The following TACC2 variants were observed in gnomAD, a reference collection of about 807,000 sequenced individuals.
TACC2 encodes the protein transforming acidic coiled-coil-containing protein 2.
Under a neutral mutation model 227.3 loss-of-function variants are expected in TACC2, and 137 were observed. The observed-to-expected ratio is 0.60, with a 90% CI of 0.52 to 0.69. The LOEUF is 0.69. Among genes scored for constraint, TACC2 ranks in the 30% least tolerant of loss-of-function variants. The pLI is 0.00. For synonymous variants in TACC2, 1,523 were observed against 1,487.5 expected (o/e 1.02, Z -0.55); for missense variants, 3,470 against 3,694.4 (o/e 0.94, Z 1.57).
chr10:122,170,029 G>A (rs981277959), intron 7 of TACC2, among the ~76,000 whole-genome samples: 1 of 152,172 alleles, frequency 6.6e-6, no homozygotes, highest in South Asian at 2.1e-4. Context: ...AGGATTACAG[G>A]CATGAGCCTC....
At chr10:122,088,708 A>G in intron 5 of TACC2, 117 bp downstream of exon 5, 2 of 1,546,150 alleles carry the variant, frequency 1.3e-6, no homozygotes, top group Non-Finnish European at 1.7e-6. Flanking sequence ...CATAAGAAAG[A>G]AGCAAATGGC....
intron 7 of TACC2, among the ~76,000 whole-genome samples, chr10:122,161,919 G>C (rs1014270326): frequency 1.3e-5 from 2 of 152,212 alleles, no homozygotes. Context: ...TCTGTTTTCT[G>C]ACAGAGAAAC....
At chr10:122,176,113 C>CTGTATA (rs1159813137) in intron 7 of TACC2, among the ~76,000 whole-genome samples, 22 of 54,822 alleles carry the variant, frequency 4.0e-4, no homozygotes, top group Non-Finnish European at 6.4e-4. Flanking sequence ...CTCTCTCTCT[C>CTGTATA]TCTCTATATA....
chr10:122,111,447 G>A (rs1216792545), intron 5 of TACC2, among the ~76,000 whole-genome samples: 7 of 150,188 alleles, frequency 4.7e-5, no homozygotes, highest in Non-Finnish European at 8.9e-5. Context: ...GGTGGTGAGT[G>A]GTGTATGTTT....
At chr10:122,098,375 C>T (rs916348073) in intron 5 of TACC2, among the ~76,000 whole-genome samples, 18 of 152,146 alleles carry the variant, frequency 1.2e-4, no homozygotes, top group African/African-American at 2.2e-4. Flanking sequence ...GCACCTTAGG[C>T]GCTGCATACG....
chr10:122,120,454 C>T (rs1023092288), intron 5 of TACC2, among the ~76,000 whole-genome samples: 1 of 152,162 alleles, frequency 6.6e-6, no homozygotes, highest in African/African-American at 2.4e-5. Context: ...GTGGTTAGAG[C>T]CACCGCGGGT....
intron 3 of TACC2, among the ~76,000 whole-genome samples, chr10:122,070,635 C>G (rs1394885664): frequency 6.6e-6 from 1 of 151,976 alleles, no homozygotes; most frequent in Non-Finnish European, 1.5e-5. Flanking sequence ...TGCCTGTAAT[C>G]CCAGCTACTT....
chr10:122,083,539 C>T lies in TACC2; in HGVS notation c.1039C>T (p.Pro347Ser), dbSNP rs552803087. ...AGCATATCTGCCGCACGCAGAGCTGCCCTGGGGCTTGCCAAGTCCTGCCCT... is the reference window on the plus strand; with the variant it reads ...AGCATATCTGCCGCACGCAGAGCTGTCCTGGGGCTTGCCAAGTCCTGCCCT... ...VGAYLPHAEL[P>S]WGLPSPALVP... The change falls in exon 4 of 23, where the codon CCC (proline) becomes TCC (serine). Residue 347 changes from proline to serine, a missense_variant. Pro to Ser is a moderately conservative substitution (Grantham distance 74). Transcript: ENST00000369005. The T allele has an allele frequency of 6.2e-7, 1 of 1,613,206 alleles. No homozygotes were observed. The highest frequency in any genetic ancestry group is 1.7e-5 in the Admixed American group (1 of 60,030).
intron 6 of TACC2, among the ~76,000 whole-genome samples, chr10:122,138,458 C>T (rs1022339940): frequency 6.6e-6 from 1 of 151,908 alleles, no homozygotes; most frequent in Non-Finnish European, 1.5e-5. Context: ...TGCAGTGAGC[C>T]GAGATCGTGC....
chr10:122,172,630 T>A (rs1565500279), intron 7 of TACC2, among the ~76,000 whole-genome samples: 1 of 152,202 alleles, frequency 6.6e-6, no homozygotes, highest in African/African-American at 2.4e-5. Context: ...CTGCGCACAT[T>A]TAGATCCTGC....
At chr10:122,117,157 C>T (rs1414023560) in intron 5 of TACC2, among the ~76,000 whole-genome samples, 1 of 151,768 alleles carries the variant, frequency 6.6e-6, no homozygotes, top group Non-Finnish European at 1.5e-5. Context: ...CTCCTCTGCT[C>T]CTGGGAGAGG....
rs397731091 is a variant in TACC2 at position 122,014,227 on chromosome 10, A to ATTT, written c.-45-7699_-45-7697dup. 2.3e-3 allele frequency among the ~76,000 whole-genome samples: 340 copies of ATTT among 145,148 alleles called. 3 individuals carry two copies. The highest frequency in any genetic ancestry group is 4.1e-3 in the African/African-American group (163 of 39,314). ...CCATTGATGAAATGAGACCTGTGTA[A>ATTT]TTTTTTTTTTTTTGAGTTTTGCTCC... On this transcript the variant is annotated intron_variant, in intron 1 of 22. Coordinates refer to ENST00000369005, the MANE Select transcript of TACC2 (RefSeq NM_206862.4).
At chr10:122,202,913 C>T (rs58382446) in intron 8 of TACC2, among the ~76,000 whole-genome samples, 135 of 151,070 alleles carry the variant, frequency 8.9e-4, no homozygotes, top group Non-Finnish European at 2.9e-4. Flanking sequence ...CATCTTGCAC[C>T]GCCCTTAATC....
chr10:122,154,850 G>A (rs530168307), intron 7 of TACC2, among the ~76,000 whole-genome samples: 33 of 152,302 alleles, frequency 2.2e-4, no homozygotes, highest in African/African-American at 7.7e-4. Flanking sequence ...CGGACTTTAT[G>A]CTATCAATAG....
chr10:122,122,934 C>T (rs2086130001), intron 5 of TACC2, among the ~76,000 whole-genome samples: 1 of 152,134 alleles, frequency 6.6e-6, no homozygotes, highest in East Asian at 1.9e-4. Flanking sequence ...AGCATGCTTG[C>T]AACATAGATG....
intron 1 of TACC2, among the ~76,000 whole-genome samples, 177 bp downstream of exon 1, chr10:121,989,665 C>T (rs1952949588): frequency 6.6e-6 from 1 of 152,196 alleles, no homozygotes; most frequent in African/African-American, 2.4e-5. Context: ...GTATTTTCAT[C>T]TACTGTGCTA....
chr10:122,122,212 G>A (rs926588138), intron 5 of TACC2, among the ~76,000 whole-genome samples: 11 of 152,052 alleles, frequency 7.2e-5, no homozygotes, highest in Non-Finnish European at 1.3e-4. Flanking sequence ...AAAATTAGCC[G>A]GGTGTGGTGG....
chr10:122,115,376 G>A (rs892120986), intron 5 of TACC2, among the ~76,000 whole-genome samples: 2 of 152,162 alleles, frequency 1.3e-5, no homozygotes, highest in Non-Finnish European at 2.9e-5. Flanking sequence ...TAATGCCCCA[G>A]GAGGGGATGT....
At chr10:122,177,109 G>A (rs1407963277) in intron 7 of TACC2, among the ~76,000 whole-genome samples, 1 of 152,188 alleles carries the variant, frequency 6.6e-6, no homozygotes, top group Admixed American at 6.5e-5. Flanking sequence ...CAAAAGGGCA[G>A]CTTTTCAGAG....
Sources: gnomAD v4.1 joint callset for allele counts (sites outside exome capture counted in the v4.1 genomes callset) on GRCh38, gnomAD v4.1.1 for gene constraint, MANE v1.5 for transcripts, NCBI Gene and HGNC (gene_info 2026-07-23, HGNC 2026-07-21) for gene names.